The following PRKG1 variants were observed in gnomAD, a reference collection of about 807,000 sequenced individuals.
PRKG1 encodes protein kinase cGMP-dependent 1.
Under a neutral mutation model 88.1 loss-of-function variants are expected in PRKG1, and 35 were observed. The ratio of observed to expected loss-of-function variants is 0.40; its 90% confidence interval spans 0.30 to 0.53. PRKG1 has a LOEUF of 0.53. Among genes scored for constraint, PRKG1 ranks in the 20% least tolerant of loss-of-function variants. The pLI is 0.59. For synonymous variants in PRKG1, 303 were observed against 292.5 expected (o/e 1.04, Z -0.37); for missense variants, 540 against 839.8 (o/e 0.64, Z 4.41).
At chr10:52,076,544 A>C (rs1846633830) in intron 7 of PRKG1, among the ~76,000 whole-genome samples, 1 of 152,232 alleles carries the variant, frequency 6.6e-6, no homozygotes, top group African/African-American at 2.4e-5. Context: ...GCAACAGAGC[A>C]AGACTCTGTC....
chr10:51,221,365 A>G (rs1838523958), intron 2 of PRKG1, among the ~76,000 whole-genome samples: 1 of 152,122 alleles, frequency 6.6e-6, no homozygotes, highest in African/African-American at 2.4e-5. Context: ...TATGTCAGCC[A>G]TCTAGATCTA....
intron 4 of PRKG1, among the ~76,000 whole-genome samples, chr10:51,858,566 A>T (rs1840780017): frequency 6.7e-6 from 1 of 148,814 alleles, no homozygotes; most frequent in East Asian, 2.0e-4. Context: ...TTCTAAAAAA[A>T]AAACCCTATT....
At chr10:51,317,148 T>G (rs1171998767) in intron 2 of PRKG1, among the ~76,000 whole-genome samples, 1 of 152,254 alleles carries the variant, frequency 6.6e-6, no homozygotes, top group African/African-American at 2.4e-5. Flanking sequence ...GCTAGCCAAC[T>G]GCACTTTAGA....
chr10:51,969,540 T>C (rs772904839), intron 5 of PRKG1, among the ~76,000 whole-genome samples: 1 of 152,154 alleles, frequency 6.6e-6, no homozygotes. Context: ...TGCAAAGTCA[T>C]ATGAAAGAAC....
intron 9 of PRKG1, among the ~76,000 whole-genome samples, chr10:52,221,456 A>G (rs1247037813): frequency 6.6e-6 from 1 of 152,246 alleles, no homozygotes; most frequent in East Asian, 1.9e-4. Flanking sequence ...TTTTTTTACT[A>G]CTTAATATGA....
intron 3 of PRKG1, among the ~76,000 whole-genome samples, chr10:51,724,553 TG>T (rs1243531842): frequency 6.6e-6 from 1 of 152,220 alleles, no homozygotes; most frequent in African/African-American, 2.4e-5. Flanking sequence ...TGAATAATGA[TG>T]ATTATTATTC....
chr10:51,463,903 T>C (rs16918343), intron 2 of PRKG1, among the ~76,000 whole-genome samples: 22,493 of 152,190 alleles, frequency 0.15, 1,798 homozygotes, highest in Admixed American at 0.22. Context: ...GGATACCAAA[T>C]TATGACTCCA....
intron 3 of PRKG1, among the ~76,000 whole-genome samples, chr10:51,565,889 G>T (rs7904162): frequency 1.3e-5 from 2 of 152,092 alleles, no homozygotes; most frequent in South Asian, 2.1e-4. Context: ...TGGGAAATAC[G>T]CAATAATGAA....
At chr10:51,855,516 C>T (rs1342525144) in intron 4 of PRKG1, among the ~76,000 whole-genome samples, 3 of 152,196 alleles carry the variant, frequency 2.0e-5, no homozygotes, top group Non-Finnish European at 4.4e-5. Flanking sequence ...AATGCAATTA[C>T]TTCTATGTCC....
intron 2 of PRKG1, among the ~76,000 whole-genome samples, chr10:51,368,207 C>T (rs1842628985): frequency 6.6e-6 from 1 of 151,962 alleles, no homozygotes; most frequent in South Asian, 2.1e-4. Context: ...CTATTGCAAG[C>T]CTAGATTTTT....
intron 5 of PRKG1, among the ~76,000 whole-genome samples, chr10:51,957,115 TTC>T (rs1168845790): frequency 1.2e-4 from 14 of 112,194 alleles, no homozygotes; most frequent in Non-Finnish European, 2.3e-4. Flanking sequence ...CTCTCTTTCT[TTC>T]TTTCCTGCTT....
In PRKG1 at chr10:51,671,462, T is replaced by C. The variant is rs1027145885; in HGVS notation, c.593-133123T>C. On this transcript the variant is annotated intron_variant, in intron 3 of 17. Transcript: ENST00000373980. Reference sequence around the variant, plus strand: ...TCCATGACTCTGTCCTAGTTTCTTTTTGCCAGCAATCCTTTACCTTTCTTG... The same window carrying C: ...TCCATGACTCTGTCCTAGTTTCTTTCTGCCAGCAATCCTTTACCTTTCTTG... Among the ~76,000 whole-genome samples the C allele has an allele frequency of 3.8e-4, 58 of 152,202 alleles. 2 individuals carry two copies. The highest frequency in any genetic ancestry group is 2.9e-5 in the Non-Finnish European group (2 of 68,026).
At chr10:51,657,573 A>G (rs538754504) in intron 3 of PRKG1, among the ~76,000 whole-genome samples, 2 of 152,168 alleles carry the variant, frequency 1.3e-5, no homozygotes, top group African/African-American at 4.8e-5. Flanking sequence ...TTTGTAGTAA[A>G]GTGCCATCAG....
intron 2 of PRKG1, among the ~76,000 whole-genome samples, chr10:51,420,517 C>G (rs1409121925): frequency 2.0e-5 from 3 of 152,082 alleles, no homozygotes; most frequent in African/African-American, 7.2e-5. Flanking sequence ...GCCCACGTCC[C>G]TAAACCAGTG....
chr10:51,745,162 C>T (rs1837545007), intron 3 of PRKG1, among the ~76,000 whole-genome samples: 1 of 152,064 alleles, frequency 6.6e-6, no homozygotes. Flanking sequence ...TTTATCCTAC[C>T]ATCACCTTAT....
At chr10:51,700,090 G>C (rs2132412080) in intron 3 of PRKG1, among the ~76,000 whole-genome samples, 1 of 152,380 alleles carries the variant, frequency 6.6e-6, no homozygotes, top group South Asian at 2.1e-4. Context: ...AAGCGTAGTC[G>C]TTTCAGCACA....
chr10:51,741,333 T>A (rs1323217239), intron 3 of PRKG1, among the ~76,000 whole-genome samples: 1 of 152,130 alleles, frequency 6.6e-6, no homozygotes, highest in Non-Finnish European at 1.5e-5. Flanking sequence ...ACATTAATTA[T>A]TCAGAATAAT....
chr10:51,724,476 A>G (rs1016726362), intron 3 of PRKG1, among the ~76,000 whole-genome samples: 3 of 152,074 alleles, frequency 2.0e-5, no homozygotes, highest in African/African-American at 4.8e-5. Context: ...TTTCTTATCA[A>G]CTCTGCCTAA....
chr10:51,699,628 C>T, intron 3 of PRKG1: 1 of 1,495,402 alleles, frequency 6.7e-7, no homozygotes, highest in Non-Finnish European at 9.0e-7. Context: ...CGCTGAGCAA[C>T]GGAAGCGGCT....
Sources: allele counts gnomAD v4.1 joint callset (sites outside exome capture counted in the v4.1 genomes callset), GRCh38; gene constraint gnomAD v4.1.1; transcripts MANE v1.5; gene names NCBI Gene and HGNC (gene_info 2026-07-23, HGNC 2026-07-21).